Variants in PDE7B observed in about 807,000 individuals in gnomAD.
PDE7B encodes the protein 3',5'-cyclic-AMP phosphodiesterase 7B.
A neutral mutation model predicts 56.2 loss-of-function variants in PDE7B; 29 were observed. That is an observed-to-expected ratio of 0.52 (90% CI 0.38 to 0.70). PDE7B has a LOEUF of 0.70. PDE7B is among the 30% of genes least tolerant of loss of function. The pLI is 0.00. For synonymous variants in PDE7B, 197 were observed against 196.9 expected (o/e 1.00, Z 0.00); for missense variants, 490 against 565.0 (o/e 0.87, Z 1.35).
At chr6:135,963,021 T>A (rs1774934311) in intron 2 of PDE7B, among the ~76,000 whole-genome samples, 1 of 152,118 alleles carries the variant, frequency 6.6e-6, no homozygotes, top group South Asian at 2.1e-4. Context: ...TCTGTTGCAG[T>A]AGGGATGGGT....
At chr6:135,986,887 G>A (rs573338070) in intron 2 of PDE7B, among the ~76,000 whole-genome samples, 9 of 152,120 alleles carry the variant, frequency 5.9e-5, no homozygotes, top group South Asian at 4.1e-4. Flanking sequence ...GACCAGTGCC[G>A]TCCTAGGTTT....
At chr6:136,155,920 G>T (rs1291513861) in intron 8 of PDE7B, 162 bp downstream of exon 8, 1 of 810,312 alleles carries the variant, frequency 1.2e-6, no homozygotes, top group Non-Finnish European at 2.1e-6. Context: ...TTCAAACTCA[G>T]ATGCTCAAAA....
chr6:136,094,443 C>T (rs374218628), intron 2 of PDE7B, among the ~76,000 whole-genome samples: 2 of 152,120 alleles, frequency 1.3e-5, no homozygotes, highest in African/African-American at 4.8e-5. Flanking sequence ...ATTTGCTGTT[C>T]CCTGAGCCTG....
chr6:135,947,325 G>A, intron 1 of PDE7B, 139 bp from the exon 2 acceptor site: 1 of 684,094 alleles, frequency 1.5e-6, no homozygotes, highest in South Asian at 1.8e-5. Flanking sequence ...CTCTGCTCAT[G>A]ACATAAGTCC....
chr6:136,041,747 TCA>T (rs1298503554), intron 2 of PDE7B, among the ~76,000 whole-genome samples: 1 of 152,260 alleles, frequency 6.6e-6, no homozygotes, highest in East Asian at 1.9e-4. Flanking sequence ...GTGTTAATAC[TCA>T]CATCTTTTTC....
intron 1 of PDE7B, among the ~76,000 whole-genome samples, chr6:135,897,740 T>G (rs549359602): frequency 1.3e-5 from 2 of 152,236 alleles, no homozygotes; most frequent in Admixed American, 1.3e-4. Context: ...TCCTGACAAA[T>G]AAAACAAAGT....
chr6:136,094,263 T>C (rs1044352418), intron 2 of PDE7B: 7 of 152,268 alleles, frequency 4.6e-5, no homozygotes, highest in African/African-American at 1.2e-4. Context: ...GGAGATTAAG[T>C]TTCAACATGA....
At chr6:135,993,959 A>G (rs1775517872) in intron 2 of PDE7B, among the ~76,000 whole-genome samples, 1 of 152,234 alleles carries the variant, frequency 6.6e-6, no homozygotes, top group Non-Finnish European at 1.5e-5. Flanking sequence ...TAAGCAAAGT[A>G]ATAAACAACA....
chr6:135,890,748 T>C (rs1435340758), intron 1 of PDE7B, among the ~76,000 whole-genome samples: 1 of 152,140 alleles, frequency 6.6e-6, no homozygotes, highest in African/African-American at 2.4e-5. Context: ...AAAAAGATAC[T>C]CTTCGAGGTC....
At chr6:136,027,418 A>G (rs1449910844) in intron 2 of PDE7B, among the ~76,000 whole-genome samples, 1 of 152,238 alleles carries the variant, frequency 6.6e-6, no homozygotes, top group Non-Finnish European at 1.5e-5. Flanking sequence ...GACAATCATT[A>G]GAGCTAAGCC....
chr6:136,162,788 G>T (rs551287327), intron 8 of PDE7B, among the ~76,000 whole-genome samples: 2 of 152,244 alleles, frequency 1.3e-5, no homozygotes, highest in East Asian at 3.9e-4. Flanking sequence ...GGAGAAATTG[G>T]CCAAAACAAA....
chr6:136,041,189 C>T (rs1776406931), intron 2 of PDE7B, among the ~76,000 whole-genome samples: 1 of 152,116 alleles, frequency 6.6e-6, no homozygotes, highest in African/African-American at 2.4e-5. Flanking sequence ...TTAATGGAAC[C>T]TTAAAAGTCC....
chr6:136,107,989 T>C (rs140776479), intron 2 of PDE7B, among the ~76,000 whole-genome samples: 125 of 152,022 alleles, frequency 8.2e-4, no homozygotes, highest in Middle Eastern at 3.4e-3. Context: ...TAGCTAGGCA[T>C]AGTGGCGTGT....
chr6:135,902,795 C>T (rs1776028411), intron 1 of PDE7B, among the ~76,000 whole-genome samples: 2 of 152,126 alleles, frequency 1.3e-5, no homozygotes, highest in South Asian at 4.2e-4. Flanking sequence ...AGTTCTGTTA[C>T]TATGACTAGA....
chr6:136,158,867 T>G (rs915538448), intron 8 of PDE7B, among the ~76,000 whole-genome samples: 1 of 152,200 alleles, frequency 6.6e-6, no homozygotes, highest in Non-Finnish European at 1.5e-5. Flanking sequence ...CACATACAAA[T>G]TTAATGGTGG....
At chr6:135,891,827 A>T (rs1369640856) in intron 1 of PDE7B, among the ~76,000 whole-genome samples, 1 of 152,054 alleles carries the variant, frequency 6.6e-6, no homozygotes, top group Non-Finnish European at 1.5e-5. Context: ...TGTCATATTT[A>T]CCTTGTGTCC....
At chr6:136,000,602 T>A (rs575778577) in intron 2 of PDE7B, among the ~76,000 whole-genome samples, 1 of 152,288 alleles carries the variant, frequency 6.6e-6, no homozygotes, top group South Asian at 2.1e-4. Context: ...GTTCCATGTA[T>A]CTATGTATCT....
chr6:136,143,356 T>C lies in PDE7B; in HGVS notation c.167-3995T>C, dbSNP rs369354368. Among the ~76,000 whole-genome samples, 74 of 151,928 alleles carry C rather than the reference T, an allele frequency of 4.9e-4. No homozygotes were observed. The Middle Eastern group carries it at 0.01, about 21-fold the overall frequency. ...CACAGTGATACCCCCATGTCTATTATATTTTTTTTATTTAAAAAAAAAATG... is the reference window on the plus strand; with the variant it reads ...CACAGTGATACCCCCATGTCTATTACATTTTTTTTATTTAAAAAAAAAATG... On this transcript the variant is annotated intron_variant, in intron 3 of 12. Transcript: ENST00000308191.
chr6:135,897,011 T>C (rs1214465188), intron 1 of PDE7B, among the ~76,000 whole-genome samples: 1 of 152,146 alleles, frequency 6.6e-6, no homozygotes, highest in African/African-American at 2.4e-5. Flanking sequence ...CAAGAAAGAC[T>C]CTCTGATACC....
Sources: gnomAD v4.1 joint callset for allele counts (sites outside exome capture counted in the v4.1 genomes callset) on GRCh38, gnomAD v4.1.1 for gene constraint, MANE v1.5 for transcripts, NCBI Gene and HGNC (gene_info 2026-07-23, HGNC 2026-07-21) for gene names.